CLEC2L: variants seen among roughly 807,000 people sequenced by gnomAD.
CLEC2L encodes the protein C-type lectin domain family 2 member L, also known as C-type lectin domain family 2, member L.
Under a neutral mutation model 23.6 loss-of-function variants are expected in CLEC2L, and 14 were observed. The ratio of observed to expected loss-of-function variants is 0.59; its 90% confidence interval spans 0.39 to 0.93. The LOEUF is 0.93. Among genes scored for constraint, CLEC2L ranks in the 40% least tolerant of loss-of-function variants. The pLI is 0.00. For synonymous variants in CLEC2L, 114 were observed against 121.3 expected (o/e 0.94, Z 0.40); for missense variants, 264 against 282.4 (o/e 0.93, Z 0.47).
In CLEC2L at chr7:139,540,010, C is replaced by T. The variant is rs773909618; in HGVS notation, c.266-311C>T. On this transcript the variant is annotated intron_variant, in intron 2 of 4. Coordinates refer to ENST00000422142, the MANE Select transcript of CLEC2L (RefSeq NM_001080511.4). This position sits in a 1 kb window ranked among gnomAD's most constrained non-coding sequence, Gnocchi z 5.8. ...TAGCTGGAAGGAGAGGACACATAGC[C>T]GCCAGACCTCTTCCCAGTCTGAGTT... is the stretch of plus-strand genomic sequence containing the variant. 1.7e-5 allele frequency: 6 copies of T among 362,454 alleles called. No homozygotes were observed. The highest frequency in any genetic ancestry group is 6.2e-5 in the African/African-American group (3 of 48,156). The allele number at this position is 362,454 out of a possible 1,614,324, so 22.5% of individuals were successfully genotyped here.
Position 139,526,196 on chromosome 7 carries a change from A to G in CLEC2L, c.190+2079A>G, listed in dbSNP as rs115615987. On this transcript the variant is annotated intron_variant, in intron 1 of 4. Transcript: ENST00000422142. The stretch of plus-strand genomic sequence containing the variant: ...CTGAAGGTCTTCTTGGGTGCCCCCA[A>G]GCTCCTCTCTTCTGAGAGGAGCCTG... Among the ~76,000 whole-genome samples, 236 of 152,176 alleles carry G rather than the reference A, an allele frequency of 1.6e-3. 2 individuals are homozygous for G. The highest frequency in any genetic ancestry group is 5.5e-3 in the African/African-American group (228 of 41,528).
At chr7:139,534,370 A>G (rs1023714703) in intron 1 of CLEC2L, 94 of 949,420 alleles carry the variant, frequency 9.9e-5, no homozygotes, top group Admixed American at 3.4e-5. Context: ...AAAAGAATGA[A>G]TCCCAACAGT....
At chr7:139,544,112 A>C in intron 4 of CLEC2L, 119 bp from the exon 5 acceptor site, 1 of 682,894 alleles carries the variant, frequency 1.5e-6, no homozygotes, top group African/African-American at 1.8e-5. Flanking sequence ...CCTAGAAGGC[A>C]GCTCCAGTGA....
intron 4 of CLEC2L, 36 bp from the exon 5 acceptor site, chr7:139,544,195 A>G (rs1183289074): frequency 6.5e-7 from 1 of 1,527,148 alleles, no homozygotes; most frequent in South Asian, 1.2e-5. Context: ...TGAATGTTCC[A>G]GATCATAAAC....
chr7:139,537,401 AT>A (rs1467608651), intron 2 of CLEC2L, among the ~76,000 whole-genome samples: 1 of 152,260 alleles, frequency 6.6e-6, no homozygotes, highest in Non-Finnish European at 1.5e-5. Flanking sequence ...TCAGGGGCTT[AT>A]ATACCTTTTT....
At chr7:139,543,892 G>C (rs1323694623) in intron 4 of CLEC2L, among the ~76,000 whole-genome samples, 2 of 152,204 alleles carry the variant, frequency 1.3e-5, no homozygotes, top group East Asian at 1.9e-4. Context: ...GCAGGGGACT[G>C]TGGGGAAGTA....
At chr7:139,541,957 T>C in intron 3 of CLEC2L, 64 bp from the exon 4 acceptor site, 1 of 1,095,616 alleles carries the variant, frequency 9.1e-7, no homozygotes. Context: ...AGGTTTGTCT[T>C]GGGATGTGAC....
chr7:139,523,877 GC>G lies in CLEC2L; in HGVS notation c.-47del. ...GAGCGCCGAGTGCGCGTCGGGCTGG[GC>G]CCCGCACCCCGGTGCAGGAGCGCGG... On this transcript the variant is annotated 5_prime_UTR_variant, in exon 1 of 5. Coordinates refer to ENST00000422142, the MANE Select transcript of CLEC2L (RefSeq NM_001080511.4). The surrounding 1 kb of genome is among the most constrained non-coding windows in gnomAD (Gnocchi z 4.1). The G allele has an allele frequency of 1.0e-6, 1 of 976,146 alleles. No individual in the cohort carries two copies. Among genetic ancestry groups the G allele is most frequent in the Non-Finnish European group, 1.2e-6 (1 of 824,564 alleles). 60.5% of individuals were successfully genotyped at this position (976,146 alleles called of 1,614,324 possible). A position where few individuals can be genotyped will look rare whatever the true frequency, so the allele number is the denominator to read the frequency against.
chr7:139,531,063 T>C (rs1032354905), intron 1 of CLEC2L, among the ~76,000 whole-genome samples: 14 of 152,152 alleles, frequency 9.2e-5, no homozygotes, highest in Non-Finnish European at 1.5e-4. Context: ...CACTCTACTG[T>C]GTCCCCCACA....
Position 139,540,381 on chromosome 7 carries a change from G to C in CLEC2L, c.326G>C (p.Arg109Thr), listed in dbSNP as rs1797717122. 6.2e-7 allele frequency: 1 copy of C among 1,611,512 alleles called. No homozygotes were observed. The highest frequency in any genetic ancestry group is 1.1e-5 in the South Asian group (1 of 90,368). The change falls in exon 3 of 5, where the codon AGG becomes ACG. Residue 109 changes from arginine to threonine, a missense_variant. Transcript: ENST00000422142. This position sits in a 1 kb window ranked among gnomAD's most constrained non-coding sequence, Gnocchi z 5.8. ...CCGGAGGACTGGCTGCTCTACGGAAGGAAGTGCTACTTCTTTTCCGAGGAA... is the reference window on the plus strand; with the variant it reads ...CCGGAGGACTGGCTGCTCTACGGAACGAAGTGCTACTTCTTTTCCGAGGAA... The part of the protein sequence containing the change: ...PCPEDWLLYG[R>T]KCYFFSEEPR...
intron 2 of CLEC2L, among the ~76,000 whole-genome samples, chr7:139,536,566 T>A (rs1402816260): frequency 6.6e-6 from 1 of 151,754 alleles, no homozygotes; most frequent in Non-Finnish European, 1.5e-5. Context: ...GCAAGTAGAG[T>A]AGAGATGTTA....
chr7:139,534,201 C>T (rs538297362), intron 1 of CLEC2L: 97 of 776,434 alleles, frequency 1.2e-4, no homozygotes, highest in African/African-American at 1.2e-3. Context: ...CCGGTAGCAG[C>T]GGTGGTGTCG....
chr7:139,537,212 A>C (rs1464188102), intron 2 of CLEC2L, among the ~76,000 whole-genome samples: 1 of 152,106 alleles, frequency 6.6e-6, no homozygotes, highest in Non-Finnish European at 1.5e-5. Context: ...AGAGATTAGG[A>C]GGTAGAGAGT....
intron 4 of CLEC2L, among the ~76,000 whole-genome samples, chr7:139,543,798 T>G (rs1479935465): frequency 6.6e-6 from 1 of 152,174 alleles, no homozygotes; most frequent in Non-Finnish European, 1.5e-5. Flanking sequence ...CAGAGCTCAC[T>G]GCTCAGGAGA....
chr7:139,534,670 G>A (rs1361087843), intron 1 of CLEC2L: 1 of 490,420 alleles, frequency 2.0e-6, no homozygotes, highest in African/African-American at 2.0e-5. Flanking sequence ...TTATACTCTA[G>A]CCAAGATTGG....
rs1176936824 is a variant in CLEC2L at position 139,536,306 on chromosome 7, G to T, written c.223G>T (p.Ala75Ser). The stretch of plus-strand genomic sequence containing the variant: ...CACACGCCTCCTGCTGGGTGCCATC[G>T]CGGTCCTTCTGTTCGCCATCTTGGT... ...TTTRLLLGAI[A>S]VLLFAILVVM... The change falls in exon 2 of 5, where the codon GCG (alanine) becomes TCG (serine). Residue 75 changes from alanine (A) to serine (S), a missense_variant. Coordinates refer to ENST00000422142, the MANE Select transcript of CLEC2L (RefSeq NM_001080511.4). 1.9e-6 allele frequency: 3 copies of T among 1,551,456 alleles called. No homozygotes were observed. Among genetic ancestry groups the T allele is most frequent in the Non-Finnish European group, 2.6e-6 (3 of 1,146,864 alleles).
rs773124924 is a variant in CLEC2L, at chr7:139,539,909, G to A, written c.266-412G>A. 1 of 193,122 alleles carries A rather than the reference G, an allele frequency of 5.2e-6. No individual in the cohort carries two copies. The highest frequency in any genetic ancestry group is 1.1e-5 in the Non-Finnish European group (1 of 93,938). The allele number at this position is 193,122 out of a possible 1,614,324, so 12.0% of individuals were successfully genotyped here. ...AAGAACTTCCCAGCAGTTCAGTGGT[G>A]GAATGGCAGCCTTGGTAGCTAACAT... is the stretch of plus-strand genomic sequence containing the variant. On this transcript the variant is annotated intron_variant, in intron 2 of 4. Coordinates refer to ENST00000422142, the MANE Select transcript of CLEC2L (RefSeq NM_001080511.4). The surrounding 1 kb of genome is among the most constrained non-coding windows in gnomAD (Gnocchi z 4.1).
At chr7:139,528,762 G>A (rs956635738) in intron 1 of CLEC2L, among the ~76,000 whole-genome samples, 3 of 152,186 alleles carry the variant, frequency 2.0e-5, no homozygotes, top group African/African-American at 7.2e-5. Context: ...GTGGTTGCAA[G>A]CCAAGGAGTG....
At chr7:139,543,529 G>A (rs1359071101) in intron 4 of CLEC2L, among the ~76,000 whole-genome samples, 2 of 152,232 alleles carry the variant, frequency 1.3e-5, no homozygotes, top group African/African-American at 4.8e-5. Flanking sequence ...AGGGATCGGA[G>A]GTCCGGGTGA....
Sources: gnomAD v4.1 joint callset for allele counts (sites outside exome capture counted in the v4.1 genomes callset) on GRCh38, gnomAD v4.1.1 for gene constraint, Gnocchi (gnomAD v3.1) non-coding constraint, MANE v1.5 for transcripts, NCBI Gene and HGNC (gene_info 2026-07-23, HGNC 2026-07-21) for gene names.